STK31: variants seen among roughly 807,000 people sequenced by gnomAD.
STK31 encodes serine/threonine-protein kinase 31.
STK31 carries 89 observed loss-of-function variants against 129.7 expected under a neutral mutation model. That is an observed-to-expected ratio of 0.69 (90% CI 0.58 to 0.82). The LOEUF (loss-of-function observed/expected upper bound fraction) is 0.82. STK31 is among the 40% of genes least tolerant of loss of function. The pLI is 0.00. For synonymous variants in STK31, 448 were observed against 395.3 expected (o/e 1.13, Z -1.58); for missense variants, 1,187 against 1,176.4 (o/e 1.01, Z -0.13).
intron 5 of STK31, among the ~76,000 whole-genome samples, chr7:23,728,053 G>T (rs1787193710): frequency 7.2e-6 from 1 of 138,274 alleles, no homozygotes; most frequent in Admixed American, 7.3e-5. Context: ...TAAATGTGGT[G>T]AGTTTTCTTT....
chr7:23,754,810 C>T (rs4722269), intron 10 of STK31, among the ~76,000 whole-genome samples: 37,194 of 152,036 alleles, frequency 0.24, 4,886 homozygotes, highest in East Asian at 0.39. Flanking sequence ...TCATCCATGT[C>T]GTTGCAAAGG....
Position 23,781,399 on chromosome 7 carries a change from CT to C in STK31, c.1966-15del. Reference sequence around the variant, plus strand: ...GTTTTCTCTATGTTAATAAAAAACACTTTTTCTTTCTGATTCAAGTCAGATG... The same window carrying C: ...GTTTTCTCTATGTTAATAAAAAACACTTTTCTTTCTGATTCAAGTCAGATG... On this transcript the variant is annotated intron_variant, in intron 15 of 23. Coordinates refer to ENST00000355870, the MANE Select transcript of STK31 (RefSeq NM_031414.5). 1 of 1,573,090 alleles carries C rather than the reference CT, an allele frequency of 6.4e-7. No homozygotes were observed. The highest frequency in any genetic ancestry group is 8.7e-7 in the Non-Finnish European group (1 of 1,154,000).
chr7:23,825,606 T>C (rs1297468876), intron 23 of STK31, among the ~76,000 whole-genome samples: 1 of 152,246 alleles, frequency 6.6e-6, no homozygotes. Flanking sequence ...ACTTCAGTTC[T>C]GCTCTAATCT....
intron 15 of STK31, among the ~76,000 whole-genome samples, chr7:23,778,482 G>A (rs760140086): frequency 2.0e-5 from 3 of 152,100 alleles, no homozygotes; most frequent in Non-Finnish European, 4.4e-5. Context: ...CCAGTCAAAC[G>A]TAGGTTTGGT....
rs1473115847 is a variant in STK31, at chr7:23,710,290, G to A, written c.5G>A (p.Trp2Ter). The change falls in exon 1 of 24, where the codon TGG becomes TAG. Residue 2 changes from tryptophan to a stop codon, truncating the protein, a stop_gained. Coordinates refer to ENST00000355870, the MANE Select transcript of STK31 (RefSeq NM_031414.5). LOFTEE classifies it high-confidence loss of function. ...GCGGAGGGCCGAAAGTCCAGTATGT[G>A]GGTCCAGGGTCACTCTTCTAGAGCT... M[W>*]VQGHSSRASA... The A allele has an allele frequency of 1.2e-6, 2 of 1,613,034 alleles. No homozygotes were observed. Among genetic ancestry groups the A allele is most frequent in the East Asian group, 2.2e-5 (1 of 44,874 alleles).
intron 21 of STK31, among the ~76,000 whole-genome samples, chr7:23,788,697 C>A (rs1330145690): frequency 6.6e-6 from 1 of 152,028 alleles, no homozygotes; most frequent in African/African-American, 2.4e-5. Context: ...AAACAATTCT[C>A]TATTTTAATT....
chr7:23,786,469 T>G (rs780428595), intron 18 of STK31, 39 bp from the exon 19 acceptor site: 1 of 1,559,512 alleles, frequency 6.4e-7, no homozygotes, highest in South Asian at 1.3e-5. Flanking sequence ...AATGAGATTT[T>G]CATCTTGGAA....
At chr7:23,783,439 C>A in intron 16 of STK31, 144 bp from the exon 17 acceptor site, 1 of 508,052 alleles carries the variant, frequency 2.0e-6, no homozygotes. Flanking sequence ...CTTGTTATTT[C>A]TTGAAGTAGA....
At chr7:23,770,531 A>C (rs1444707775) in intron 13 of STK31, among the ~76,000 whole-genome samples, 2 of 152,204 alleles carry the variant, frequency 1.3e-5, no homozygotes, top group Non-Finnish European at 2.9e-5. Context: ...TTAGCATATT[A>C]GTATCCCTGA....
rs372294189 is a variant in STK31 at position 23,710,347 on chromosome 7, T to G, written c.50+12T>G. 26 of 1,613,196 alleles carry G rather than the reference T, an allele frequency of 1.6e-5. No individual in the cohort carries two copies. The highest frequency in any genetic ancestry group is 1.9e-5 in the Non-Finnish European group (22 of 1,179,880). ...ACGGAAAGTGTGAGGTCAGTAGTAG[T>G]TTTTGTGGTACGTGCAGTGGTGGCC... On this transcript the variant is annotated intron_variant, in intron 1 of 23. Transcript: ENST00000355870.
intron 22 of STK31, among the ~76,000 whole-genome samples, chr7:23,810,276 T>A (rs1300206146): frequency 3.3e-5 from 5 of 151,966 alleles, no homozygotes; most frequent in Non-Finnish European, 7.4e-5. Flanking sequence ...ACTCCAAAGG[T>A]ACCTACATTG....
At chr7:23,792,610 G>T (rs1791707047) in intron 22 of STK31, among the ~76,000 whole-genome samples, 1 of 152,140 alleles carries the variant, frequency 6.6e-6, no homozygotes, top group African/African-American at 2.4e-5. Context: ...TTGACAATTA[G>T]ATTTTACAAT....
chr7:23,811,205 C>G (rs959104621), intron 22 of STK31: 2 of 245,072 alleles, frequency 8.2e-6, no homozygotes, highest in Admixed American at 9.2e-5. Context: ...ATCATCCTTA[C>G]AGTAGTTTAG....
chr7:23,752,166 CAT>C (rs1400234376), intron 8 of STK31, among the ~76,000 whole-genome samples: 3 of 151,958 alleles, frequency 2.0e-5, no homozygotes, highest in South Asian at 4.2e-4. Context: ...TAAAAAAAGA[CAT>C]AGCACCAAAA....
At chr7:23,806,271 G>A (rs1212274428) in intron 22 of STK31, among the ~76,000 whole-genome samples, 1 of 152,136 alleles carries the variant, frequency 6.6e-6, no homozygotes, top group Non-Finnish European at 1.5e-5. Context: ...AAAGTCTTGC[G>A]TGGATGTATT....
At chr7:23,810,138 A>G (rs1792995533) in intron 22 of STK31, among the ~76,000 whole-genome samples, 2 of 152,000 alleles carry the variant, frequency 1.3e-5, no homozygotes, top group South Asian at 4.1e-4. Context: ...TGATACTTTT[A>G]TCATTATGTA....
At chr7:23,759,860 A>G (rs911985872) in intron 10 of STK31, among the ~76,000 whole-genome samples, 2 of 152,188 alleles carry the variant, frequency 1.3e-5, no homozygotes, top group Non-Finnish European at 2.9e-5. Flanking sequence ...AGCTATACCT[A>G]TGGAGTTGTT....
At chr7:23,783,179 AT>A (rs1379193162) in intron 16 of STK31, among the ~76,000 whole-genome samples, 2 of 152,168 alleles carry the variant, frequency 1.3e-5, no homozygotes, top group Non-Finnish European at 2.9e-5. Flanking sequence ...TTGGTTACAG[AT>A]TGGTGTTTGC....
At chr7:23,710,736 A>G (rs1785903831) in intron 1 of STK31, 4 of 1,063,202 alleles carry the variant, frequency 3.8e-6, no homozygotes, top group Non-Finnish European at 4.6e-6. Flanking sequence ...CTGTTTGCAG[A>G]AAGTGGGTAC....
Sources: gnomAD v4.1 joint callset for allele counts (sites outside exome capture counted in the v4.1 genomes callset) on GRCh38, gnomAD v4.1.1 for gene constraint, MANE v1.5 for transcripts, NCBI Gene and HGNC (gene_info 2026-07-23, HGNC 2026-07-21) for gene names.